Variants in TTC28 observed in about 807,000 individuals in gnomAD.
TTC28 encodes tetratricopeptide repeat protein 28.
A neutral mutation model predicts 198.0 loss-of-function variants in TTC28; 61 were observed. The observed-to-expected ratio is 0.31, with a 90% CI of 0.25 to 0.38. The LOEUF (loss-of-function observed/expected upper bound fraction) is 0.38. TTC28 is among the 10% of genes least tolerant of loss of function. The pLI is 1.00. For missense variants in TTC28, 2,678 were observed against 3,164.0 expected (o/e 0.85, Z 3.69); for synonymous variants, 1,171 against 1,297.8 (o/e 0.90, Z 2.10).
intron 2 of TTC28, among the ~76,000 whole-genome samples, chr22:28,558,243 A>G (rs2049815121): frequency 6.6e-6 from 1 of 152,232 alleles, no homozygotes; most frequent in Admixed American, 6.5e-5. Context: ...GGACTAATTT[A>G]ACATTTATCA....
intron 1 of TTC28, among the ~76,000 whole-genome samples, chr22:28,663,031 G>T (rs944044805): frequency 6.6e-6 from 1 of 152,006 alleles, no homozygotes; most frequent in African/African-American, 2.4e-5. Flanking sequence ...GGCTGATCTC[G>T]AGGTCAGGAG....
At chr22:28,019,028 G>T (rs1938491892) in intron 13 of TTC28, among the ~76,000 whole-genome samples, 1 of 152,178 alleles carries the variant, frequency 6.6e-6, no homozygotes, top group Non-Finnish European at 1.5e-5. Flanking sequence ...GGATACCTCT[G>T]CCTAGAGATC....
At chr22:28,104,258 C>T (rs1451770280) in intron 8 of TTC28, among the ~76,000 whole-genome samples, 3 of 152,186 alleles carry the variant, frequency 2.0e-5, no homozygotes, top group Non-Finnish European at 2.9e-5. Flanking sequence ...TTGGAAAACT[C>T]GGGCTGGGCC....
intron 1 of TTC28, among the ~76,000 whole-genome samples, chr22:28,671,683 A>T (rs73393918): frequency 0.14 from 19,290 of 142,036 alleles, 1,489 homozygotes; most frequent in African/African-American, 0.19. Flanking sequence ...TTTTGTTTTC[A>T]TTTTTTTTTT....
At chr22:28,603,531 C>T (rs1303064871) in intron 2 of TTC28, among the ~76,000 whole-genome samples, 1 of 152,048 alleles carries the variant, frequency 6.6e-6, no homozygotes, top group Non-Finnish European at 1.5e-5. Flanking sequence ...GGGACTACAG[C>T]TACATGCCAC....
At chr22:28,537,682 A>G (rs2049325526) in intron 2 of TTC28, among the ~76,000 whole-genome samples, 1 of 152,224 alleles carries the variant, frequency 6.6e-6, no homozygotes, top group Admixed American at 6.5e-5. Flanking sequence ...GTAAATTTAA[A>G]TTTTACAAGG....
intron 2 of TTC28, among the ~76,000 whole-genome samples, chr22:28,419,464 T>A (rs2047215943): frequency 6.6e-6 from 1 of 152,188 alleles, no homozygotes; most frequent in Admixed American, 6.5e-5. Flanking sequence ...CCAGCCCTAA[T>A]TCCTTGCCCA....
At chr22:28,531,294 G>C (rs1192977875) in intron 2 of TTC28, among the ~76,000 whole-genome samples, 1 of 152,060 alleles carries the variant, frequency 6.6e-6, no homozygotes, top group Non-Finnish European at 1.5e-5. Flanking sequence ...AATAAACAAA[G>C]ATCAAAAGAC....
At chr22:28,600,495 G>GT (rs1182999495) in intron 2 of TTC28, among the ~76,000 whole-genome samples, 1 of 152,156 alleles carries the variant, frequency 6.6e-6, no homozygotes, top group Non-Finnish European at 1.5e-5. Flanking sequence ...GCATGCAAAA[G>GT]TAAGTGTAAA....
At chr22:28,156,860 C>A (rs1247301023) in intron 6 of TTC28, among the ~76,000 whole-genome samples, 2 of 152,000 alleles carry the variant, frequency 1.3e-5, no homozygotes, top group Non-Finnish European at 2.9e-5. Flanking sequence ...GGAAGAAAAA[C>A]TTCAAATAAA....
intron 6 of TTC28, among the ~76,000 whole-genome samples, chr22:28,147,120 T>C (rs2147003580): frequency 6.6e-6 from 1 of 152,346 alleles, no homozygotes; most frequent in East Asian, 1.9e-4. Context: ...AAAAGTTGCA[T>C]TCCAGCTTTC....
rs547867398 is a variant in TTC28 at position 28,137,582 on chromosome 22, A to C, written c.1441+25510T>G. 2.6e-5 allele frequency among the ~76,000 whole-genome samples: 4 copies of C among 152,238 alleles called. No homozygotes were observed. The East Asian group carries it at 7.8e-4, about 30-fold the overall frequency. On this transcript the variant is annotated intron_variant, in intron 6 of 22. Coordinates refer to ENST00000397906, the MANE Select transcript of TTC28 (RefSeq NM_001145418.2). ...TTCTGTTCTCCACAGGAGCTTGAGC[A>C]TCCTTACAACATGGTGGATGAATTC...
At chr22:28,677,902 C>T (rs2145722771) in intron 1 of TTC28, among the ~76,000 whole-genome samples, 1 of 151,474 alleles carries the variant, frequency 6.6e-6, no homozygotes, top group Non-Finnish European at 1.5e-5. Flanking sequence ...TGTGCTACTG[C>T]ACTCCAGCCT....
intron 2 of TTC28, among the ~76,000 whole-genome samples, chr22:28,603,563 T>A (rs941637553): frequency 2.0e-5 from 3 of 152,098 alleles, no homozygotes; most frequent in Admixed American, 6.5e-5. Context: ...ATTTCTTTTT[T>A]AAATTATTTT....
chr22:28,240,225 G>C (rs1929568440), intron 5 of TTC28, among the ~76,000 whole-genome samples: 1 of 152,178 alleles, frequency 6.6e-6, no homozygotes, highest in Admixed American at 6.5e-5. Context: ...GTATGAATTA[G>C]TACTTCTGAA....
At chr22:28,082,984 A>G (rs1199348456) in intron 12 of TTC28, among the ~76,000 whole-genome samples, 1 of 152,118 alleles carries the variant, frequency 6.6e-6, no homozygotes, top group Non-Finnish European at 1.5e-5. Flanking sequence ...AGGTCATTCA[A>G]AATGTATTTT....
chr22:28,419,463 AT>A (rs2146163967), intron 2 of TTC28, among the ~76,000 whole-genome samples: 1 of 152,308 alleles, frequency 6.6e-6, no homozygotes, highest in African/African-American at 2.4e-5. Context: ...TCCAGCCCTA[AT>A]TCCTTGCCCA....
rs1036848967 is a variant in TTC28, at chr22:27,981,888, C to G, written c.*333G>C. 3.0e-4 allele frequency: 78 copies of G among 259,438 alleles called. No homozygotes were observed. Among genetic ancestry groups the G allele is most frequent in the Non-Finnish European group, 1.2e-4 (16 of 138,874 alleles). The allele number at this position is 259,438 out of a possible 1,614,324, so 16.1% of individuals were successfully genotyped here. A position where few individuals can be genotyped will look rare whatever the true frequency, so the allele number is the denominator to read the frequency against. ...TCCCTTTCCTCTCCCCACCCCAGAACCATGATCATTTTTGTACAAAATCCT... is the reference window on the plus strand; with the variant it reads ...TCCCTTTCCTCTCCCCACCCCAGAAGCATGATCATTTTTGTACAAAATCCT... On this transcript the variant is annotated 3_prime_UTR_variant, in exon 23 of 23. Coordinates refer to ENST00000397906, the MANE Select transcript of TTC28 (RefSeq NM_001145418.2).
chr22:28,445,110 AT>A (rs2047683901), intron 2 of TTC28, among the ~76,000 whole-genome samples: 1 of 152,150 alleles, frequency 6.6e-6, no homozygotes, highest in African/African-American at 2.4e-5. Flanking sequence ...CCTAAACATC[AT>A]TCCTTATGTG....
Sources: allele counts gnomAD v4.1 joint callset (sites outside exome capture counted in the v4.1 genomes callset), GRCh38; gene constraint gnomAD v4.1.1; transcripts MANE v1.5; gene names NCBI Gene and HGNC (gene_info 2026-07-23, HGNC 2026-07-21).